Variants in SETX observed in about 807,000 individuals in gnomAD.
The protein encoded by SETX is helicase senataxin.
Under a neutral mutation model 227.2 loss-of-function variants are expected in SETX, and 90 were observed. That is an observed-to-expected ratio of 0.40 (90% confidence interval 0.33 to 0.47). SETX has a LOEUF of 0.47. SETX is among the 20% of genes least tolerant of loss of function. The pLI, the probability that SETX is intolerant of heterozygous loss-of-function variation, is 0.91. For missense variants in SETX, 3,052 were observed against 3,181.5 expected (o/e 0.96, Z 0.98); for synonymous variants, 1,210 against 1,113.2 (o/e 1.09, Z -1.73).
intron 25 of SETX, among the ~76,000 whole-genome samples, chr9:132,267,164 A>G (rs1257792022): frequency 1.3e-5 from 2 of 152,232 alleles, no homozygotes; most frequent in African/African-American, 4.8e-5. Flanking sequence ...TTGATGAACT[A>G]TGGTAATAAG....
chr9:132,292,625 A>ATTTT (rs529367112), intron 15 of SETX, among the ~76,000 whole-genome samples: 5 of 125,234 alleles, frequency 4.0e-5, no homozygotes, highest in African/African-American at 9.3e-5. Context: ...TTCCCAACTC[A>ATTTT]TTTTTTTTTT....
In SETX at chr9:132,298,067, C is replaced by T; in HGVS notation, c.5781+13G>A. On this transcript the variant is annotated intron_variant, in intron 13 of 25. Transcript: ENST00000224140. ...TAACATGAAATTATCTAGTATCATA[C>T]ATCATCACTCACAATTCTCTCAGAT... 6.3e-7 allele frequency: 1 copy of T among 1,583,734 alleles called. No homozygotes were observed. The highest frequency in any genetic ancestry group is 8.7e-7 in the Non-Finnish European group (1 of 1,152,864).
intron 15 of SETX, among the ~76,000 whole-genome samples, chr9:132,289,038 G>C (rs558842421): frequency 6.6e-6 from 1 of 152,282 alleles, no homozygotes; most frequent in South Asian, 2.1e-4. Context: ...GTTGGGGAAA[G>C]GGCTTGTGGG....
rs73545082 is a variant in SETX, at chr9:132,278,915, G to A, written c.6655-658C>T. ...ATAATTTGAAGTGCTAAGACCACTA[G>A]AGTGAATAAGATGAAGTCTCACAGG... On this transcript the variant is annotated intron_variant, in intron 20 of 25. Coordinates refer to ENST00000224140, the MANE Select transcript of SETX (RefSeq NM_015046.7). Among the ~76,000 whole-genome samples the A allele has an allele frequency of 1.5e-3, 228 of 152,274 alleles. 1 individual carries two copies. Among genetic ancestry groups the A allele is most frequent in the African/African-American group, 5.2e-3 (216 of 41,548 alleles).
chr9:132,302,542 C>T (rs2131314652), intron 11 of SETX, among the ~76,000 whole-genome samples: 1 of 150,344 alleles, frequency 6.7e-6, no homozygotes, highest in East Asian at 2.0e-4. Flanking sequence ...CGCCTGTAAT[C>T]CCAGCTACTT....
rs773923069 is a variant in SETX at position 132,264,205 on chromosome 9, T to C, written c.*34A>G. The C allele has an allele frequency of 3.1e-6, 5 of 1,612,980 alleles. No individual in the cohort carries two copies. The highest frequency in any genetic ancestry group is 2.2e-5 in the East Asian group (1 of 44,888). Reference sequence around the variant, plus strand: ...AGCTGGTCATCTTCAGTTTACAATATGCTGTGGCTGCTGGCCCATGTCACT... The same window carrying C: ...AGCTGGTCATCTTCAGTTTACAATACGCTGTGGCTGCTGGCCCATGTCACT... On this transcript the variant is annotated 3_prime_UTR_variant, in exon 26 of 26. Coordinates refer to ENST00000224140, the MANE Select transcript of SETX (RefSeq NM_015046.7).
At chr9:132,337,692 G>A (rs1847711655) in intron 5 of SETX, among the ~76,000 whole-genome samples, 1 of 152,126 alleles carries the variant, frequency 6.6e-6, no homozygotes, top group Admixed American at 6.6e-5. Flanking sequence ...GTGGTAGAAG[G>A]GGAAAAGACT....
chr9:132,329,638 C>T lies in SETX; in HGVS notation c.1960G>A (p.Asp654Asn). The stretch of plus-strand genomic sequence containing the variant: ...TTATCTGCTTTGATCAATACACTGT[C>T]TTGCACTTTCATTGGTTCTTTAGAA... ...TFSKEPMKVQDSVLIKADNTI... is the reference protein window; with the variant it reads ...TFSKEPMKVQNSVLIKADNTI... The change falls in exon 10 of 26, where the codon GAC (aspartate) becomes AAC (asparagine). Residue 654 changes from aspartate to asparagine, a missense_variant. Physicochemically the swap from Asp to Asn is conservative, Grantham distance 23. Coordinates refer to ENST00000224140, the MANE Select transcript of SETX (RefSeq NM_015046.7). 2 of 1,613,796 alleles carry T rather than the reference C, an allele frequency of 1.2e-6. No individual in the cohort carries two copies. Among genetic ancestry groups the T allele is most frequent in the Non-Finnish European group, 1.7e-6 (2 of 1,179,946 alleles).
upstream of SETX, among the ~76,000 whole-genome samples, chr9:132,355,267 C>A (rs1251245486): frequency 6.6e-6 from 1 of 152,104 alleles, no homozygotes; most frequent in African/African-American, 2.4e-5. Context: ...GGGCTTCCTG[C>A]GGGTGGGGCG....
chr9:132,291,867 G>A (rs1272725577), intron 15 of SETX, among the ~76,000 whole-genome samples: 1 of 152,056 alleles, frequency 6.6e-6, no homozygotes, highest in Non-Finnish European at 1.5e-5. Flanking sequence ...GCTTGCTAAT[G>A]CCCACAAGAA....
At chr9:132,349,671 T>C (rs1848503667) in intron 2 of SETX, among the ~76,000 whole-genome samples, 1 of 152,280 alleles carries the variant, frequency 6.6e-6, no homozygotes, top group African/African-American at 2.4e-5. Flanking sequence ...ATAAGTATCA[T>C]AAGGCAACAT....
At position 132,328,844 on chromosome 9, in the gene SETX, A is replaced by G; in HGVS notation, c.2754T>C (p.Thr918=). 1 of 1,613,708 alleles carries G rather than the reference A, an allele frequency of 6.2e-7. No homozygotes were observed. Among genetic ancestry groups the G allele is most frequent in the South Asian group, 1.1e-5 (1 of 90,956 alleles). The change falls in exon 10 of 26, where the codon ACT becomes ACC. Residue 918 remains threonine (T), a synonymous_variant. Coordinates refer to ENST00000224140, the MANE Select transcript of SETX (RefSeq NM_015046.7). The part of the protein sequence containing the change: ...KKSSPFKDLM[T]VPESRDEEMS... ...TCTCCTCATCTCTTGATTCAGGTAC[A>G]GTCATAAGATCTTTAAAGGGAGATG...
intron 25 of SETX, among the ~76,000 whole-genome samples, chr9:132,267,009 A>G (rs1235798719): frequency 6.6e-6 from 1 of 152,236 alleles, no homozygotes; most frequent in Non-Finnish European, 1.5e-5. Context: ...CTATGTATGG[A>G]TAAGAATATG....
At chr9:132,307,515 A>AT (rs2131337960) in intron 11 of SETX, among the ~76,000 whole-genome samples, 1 of 152,290 alleles carries the variant, frequency 6.6e-6, no homozygotes, top group East Asian at 1.9e-4. Flanking sequence ...CAGTTATGGG[A>AT]TAAAAACAAT....
intron 15 of SETX, among the ~76,000 whole-genome samples, chr9:132,293,220 C>G (rs897769712): frequency 6.6e-6 from 1 of 152,030 alleles, no homozygotes; most frequent in African/African-American, 2.4e-5. Context: ...ATTCAACACC[C>G]ATTCATAACA....
At chr9:132,312,667 A>G (rs575479628) in intron 10 of SETX, among the ~76,000 whole-genome samples, 14 of 152,344 alleles carry the variant, frequency 9.2e-5, no homozygotes, top group East Asian at 1.9e-4. Flanking sequence ...GAACAAAACA[A>G]TACTGAATCT....
chr9:132,346,938 T>C (rs975514222), intron 3 of SETX, among the ~76,000 whole-genome samples: 8 of 151,816 alleles, frequency 5.3e-5, no homozygotes, highest in Admixed American at 6.6e-5. Context: ...CTGGATGACA[T>C]AGGGAAACCC....
At position 132,279,420 on chromosome 9, in the gene SETX, AG is replaced by A. The variant is rs112132190; in HGVS notation, c.6655-1164del. Among the ~76,000 whole-genome samples, 10 of 151,624 alleles carry A rather than the reference AG, an allele frequency of 6.6e-5. No homozygotes were observed. In the East Asian group the frequency reaches 7.7e-4, roughly 12 times the overall value. On this transcript the variant is annotated intron_variant, in intron 20 of 25. Transcript: ENST00000224140. ...CTAGAACTTAAAGTATAATTAAAAA[AG>A]AAAAGTTTCAAAAAGTACTTTATCT...
Position 132,277,147 on chromosome 9 carries a change from G to A in SETX, c.6848C>T (p.Thr2283Ile), listed in dbSNP as rs1564477142. The stretch of plus-strand genomic sequence containing the variant: ...ATCTGATGAACATCGAATGGCTTCT[G>A]TCTGTCTGTAAAAAAAAAAAAGCAG... Reference protein sequence around the residue: ...YNRNLKTNRQTEAIRCSSDWP... With the variant: ...YNRNLKTNRQIEAIRCSSDWP... Residue 2283 changes from threonine (T) to isoleucine (I), a missense_variant, in exon 22 of 26, where the codon ACA becomes ATA. Around this residue, in one of 10 missense-constraint regions of SETX, gnomAD observed 412 missense variants for 589.0 expected, o/e 0.70. Transcript: ENST00000224140. 1 of 1,605,838 alleles carries A rather than the reference G, an allele frequency of 6.2e-7. No homozygotes were observed. Among genetic ancestry groups the A allele is most frequent in the Non-Finnish European group, 8.5e-7 (1 of 1,177,414 alleles).
Sources: gnomAD v4.1 joint callset for allele counts (sites outside exome capture counted in the v4.1 genomes callset) on GRCh38, gnomAD v4.1.1 for gene constraint, gnomAD v4.1.1 regional missense constraint, MANE v1.5 for transcripts, NCBI Gene and HGNC (gene_info 2026-07-23, HGNC 2026-07-21) for gene names.